FRS2: variants seen among roughly 807,000 people sequenced by gnomAD.
The protein encoded by FRS2 is FGFR signalling adaptor.
In FRS2, 8 loss-of-function variants were observed where a neutral mutation model predicts 43.9. The observed-to-expected ratio is 0.18, with a 90% CI of 0.11 to 0.33. The LOEUF (loss-of-function observed/expected upper bound fraction) is 0.33, where lower values mean the gene tolerates loss of function less well. Among genes scored for constraint, FRS2 ranks in the 10% least tolerant of loss-of-function variants. The pLI, the probability that FRS2 is intolerant of heterozygous loss-of-function variation, is 1.00. For synonymous variants in FRS2, 219 were observed against 220.3 expected (o/e 0.99, Z 0.05); for missense variants, 534 against 627.6 (o/e 0.85, Z 1.59).
At chr12:69,518,961 A>T (rs1003848474) in intron 1 of FRS2, among the ~76,000 whole-genome samples, 1 of 147,472 alleles carries the variant, frequency 6.8e-6, no homozygotes, top group Non-Finnish European at 1.5e-5. Context: ...GCGCCCTTGC[A>T]CTCCAGCCTT....
chr12:69,485,368 G>T (rs1490399524), intron 1 of FRS2, among the ~76,000 whole-genome samples: 2 of 151,996 alleles, frequency 1.3e-5, no homozygotes, highest in Non-Finnish European at 2.9e-5. Context: ...ATTTTTGGTA[G>T]AGACGGGGTT....
At chr12:69,501,992 G>C (rs1178990399) in intron 1 of FRS2, among the ~76,000 whole-genome samples, 1 of 151,836 alleles carries the variant, frequency 6.6e-6, no homozygotes, top group Non-Finnish European at 1.5e-5. Flanking sequence ...GTGAGATGGA[G>C]CCTCCCTCTG....
At chr12:69,546,279 A>G (rs1878396647) in intron 3 of FRS2, among the ~76,000 whole-genome samples, 1 of 151,664 alleles carries the variant, frequency 6.6e-6, no homozygotes. Flanking sequence ...TTTTTTGGAG[A>G]CAGAGTCTCG....
chr12:69,503,180 T>C (rs1873616855), intron 1 of FRS2, among the ~76,000 whole-genome samples: 1 of 152,210 alleles, frequency 6.6e-6, no homozygotes, highest in Non-Finnish European at 1.5e-5. Flanking sequence ...CTTTGTTGGC[T>C]GTCAGCTGGG....
chr12:69,483,135 C>CA (rs774561309), intron 1 of FRS2, among the ~76,000 whole-genome samples: 8 of 152,128 alleles, frequency 5.3e-5, no homozygotes, highest in Non-Finnish European at 8.8e-5. Flanking sequence ...TTTATGAACA[C>CA]AAAAAAATTG....
chr12:69,573,826 T>C (rs1356750634), intron 8 of FRS2, among the ~76,000 whole-genome samples, 179 bp from the exon 9 acceptor site: 1 of 152,270 alleles, frequency 6.6e-6, no homozygotes, highest in Non-Finnish European at 1.5e-5. Context: ...CATTTCTCCT[T>C]CTCTTTCCAC....
At chr12:69,529,634 TAAA>T (rs1445774936) in intron 1 of FRS2, among the ~76,000 whole-genome samples, 1 of 150,880 alleles carries the variant, frequency 6.6e-6, no homozygotes, top group Non-Finnish European at 1.5e-5. Flanking sequence ...AATAAATAAA[TAAA>T]TAAATAAATA....
At chr12:69,519,548 CCCT>C (rs1245383478) in intron 1 of FRS2, among the ~76,000 whole-genome samples, 35 of 152,000 alleles carry the variant, frequency 2.3e-4, no homozygotes, top group African/African-American at 7.5e-4. Flanking sequence ...CTGCTCCTCT[CCCT>C]CCTCCCACCC....
At chr12:69,573,690 T>C (rs1880948455) in intron 8 of FRS2, among the ~76,000 whole-genome samples, 1 of 152,224 alleles carries the variant, frequency 6.6e-6, no homozygotes, top group Non-Finnish European at 1.5e-5. Flanking sequence ...CTCGAACTCC[T>C]ACCCTCAAGT....
rs1004177353 is a variant in FRS2, at chr12:69,576,947, T to C, written c.*1992T>C. The C allele has an allele frequency of 2.6e-5, 4 of 152,656 alleles. No individual in the cohort carries two copies. Among genetic ancestry groups the C allele is most frequent in the Non-Finnish European group, 5.9e-5 (4 of 68,036 alleles). The allele number at this position is 152,656 out of a possible 1,614,324, so 9.5% of individuals were successfully genotyped here. ...TCCTTTCTTCTGAGTAAATTGCTAA[T>C]TGTGCCAAATTTATGTAATAGTTTT... On this transcript the variant is annotated 3_prime_UTR_variant, in exon 9 of 9. Transcript: ENST00000549921.
chr12:69,532,352 T>C (rs538533352), intron 3 of FRS2, among the ~76,000 whole-genome samples: 9 of 152,336 alleles, frequency 5.9e-5, no homozygotes, highest in Admixed American at 4.6e-4. Flanking sequence ...AAAAAAGTTC[T>C]TCCATTGGGG....
intron 1 of FRS2, among the ~76,000 whole-genome samples, chr12:69,523,354 C>A (rs188695566): frequency 1.3e-5 from 2 of 152,166 alleles, no homozygotes; most frequent in African/African-American, 4.8e-5. Flanking sequence ...CTTTTTTGAT[C>A]TTTGTTGGTT....
At chr12:69,571,723 G>A (rs978192955) in intron 7 of FRS2, among the ~76,000 whole-genome samples, 1 of 152,110 alleles carries the variant, frequency 6.6e-6, no homozygotes, top group African/African-American at 2.4e-5. Flanking sequence ...AATTAGCCGG[G>A]CGTGGTGGTG....
intron 3 of FRS2, among the ~76,000 whole-genome samples, chr12:69,551,539 A>G (rs1361529812): frequency 2.6e-5 from 4 of 152,236 alleles, no homozygotes; most frequent in Non-Finnish European, 5.9e-5. Context: ...AAACCTTTAG[A>G]GGAAGGATGC....
chr12:69,570,271 C>A, intron 5 of FRS2, 60 bp from the exon 6 acceptor site: 1 of 1,212,274 alleles, frequency 8.2e-7, no homozygotes, highest in Non-Finnish European at 1.2e-6. Flanking sequence ...TAATTAGCAA[C>A]AATGCATTTT....
chr12:69,569,934 C>T (rs1359026840), intron 5 of FRS2, among the ~76,000 whole-genome samples: 1 of 152,260 alleles, frequency 6.6e-6, no homozygotes, highest in South Asian at 2.1e-4. Context: ...TATGATGTCC[C>T]TTTATCTCCT....
intron 3 of FRS2, among the ~76,000 whole-genome samples, chr12:69,561,351 G>T (rs536116726): frequency 1.3e-5 from 2 of 152,302 alleles, no homozygotes; most frequent in Non-Finnish European, 2.9e-5. Flanking sequence ...ATTGTTGACT[G>T]TGGGTACATG....
intron 4 of FRS2, among the ~76,000 whole-genome samples, chr12:69,567,513 A>G (rs1322864746): frequency 6.6e-6 from 1 of 152,180 alleles, no homozygotes; most frequent in African/African-American, 2.4e-5. Flanking sequence ...CCTTGCTGAC[A>G]AGGGGCTCAC....
At chr12:69,511,628 AT>A (rs929655645) in intron 1 of FRS2, among the ~76,000 whole-genome samples, 1 of 152,204 alleles carries the variant, frequency 6.6e-6, no homozygotes, top group African/African-American at 2.4e-5. Context: ...TGAATAGAGG[AT>A]TAGGTCAGTC....
Sources: gnomAD v4.1 joint callset for allele counts (sites outside exome capture counted in the v4.1 genomes callset) on GRCh38, gnomAD v4.1.1 for gene constraint, MANE v1.5 for transcripts, NCBI Gene and HGNC (gene_info 2026-07-23, HGNC 2026-07-21) for gene names.